PISD: variants seen among roughly 807,000 people sequenced by gnomAD.
PISD encodes phosphatidylserine decarboxylase proenzyme, mitochondrial.
A neutral mutation model predicts 43.5 loss-of-function variants in PISD; 31 were observed. The observed-to-expected ratio is 0.71, with a 90% CI of 0.54 to 0.96. The LOEUF is 0.96. Among genes scored for constraint, PISD ranks in the 40% least tolerant of loss-of-function variants. The pLI is 0.00. For missense variants in PISD, 523 were observed against 548.4 expected, an observed-to-expected ratio of 0.95 and a Z score of 0.46; for synonymous variants, 259 against 228.7, an observed-to-expected ratio of 1.13 and a Z score of -1.20.
At chr22:31,637,851 T>C (rs2073559195) in intron 3 of PISD, among the ~76,000 whole-genome samples, 1 of 152,194 alleles carries the variant, frequency 6.6e-6, no homozygotes. Flanking sequence ...CTCCCTAATG[T>C]CACGTCCTAC....
Position 31,621,116 on chromosome 22 carries a change from G to A in PISD, c.724C>T (p.Gln242Ter). The change falls in exon 6 of 8, where the codon CAG becomes TAG. Residue 242 changes from glutamine (Q) to a stop codon, truncating the protein, a stop_gained. Coordinates refer to ENST00000439502, the MANE Select transcript of PISD (RefSeq NM_001326411.2). LOFTEE classifies it high-confidence loss of function. ...PAASCDSFKN[Q>*]LVTREGNELY... The stretch of plus-strand genomic sequence containing the variant: ...TCATTCCCTTCCCGGGTGACCAGCT[G>A]GTTCTTGAAGGAGTCACACGACGCG... 2 of 1,614,198 alleles carry A rather than the reference G, an allele frequency of 1.2e-6. No homozygotes were observed. Among genetic ancestry groups the A allele is most frequent in the Non-Finnish European group, 1.7e-6 (2 of 1,180,044 alleles).
intron 3 of PISD, among the ~76,000 whole-genome samples, chr22:31,635,468 A>C (rs1413477826): frequency 6.6e-6 from 1 of 151,984 alleles, no homozygotes; most frequent in Non-Finnish European, 1.5e-5. Context: ...ACACTGGGCT[A>C]ATTTTTGTAT....
Position 31,621,703 on chromosome 22 carries a change from G to C in PISD, c.504C>G (p.Phe168Leu). The change falls in exon 4 of 8, where the codon TTC (phenylalanine) becomes TTG (leucine). Residue 168 changes from phenylalanine to leucine, a missense_variant. Phe to Leu is a conservative substitution (Grantham distance 22). Transcript: ENST00000439502. ...DLHHYRNLSE[F>L]FRRKLKPQAR... The stretch of plus-strand genomic sequence containing the variant: ...CCTGCGGCTTCAGCTTGCGCCGGAA[G>C]AACTCGCTGAGGTTGCGGTAGTGAT... 5 of 1,614,062 alleles carry C rather than the reference G, an allele frequency of 3.1e-6. No homozygotes were observed. The highest frequency in any genetic ancestry group is 4.2e-6 in the Non-Finnish European group (5 of 1,180,026).
Position 31,646,872 on chromosome 22 carries a change from CT to C in PISD, c.321+1228del, listed in dbSNP as rs377752290. Among the ~76,000 whole-genome samples the C allele has an allele frequency of 1.9e-4, 29 of 149,688 alleles. 2 individuals carry two copies. In the East Asian group the frequency reaches 5.1e-3, roughly 26 times the overall value. On this transcript the variant is annotated intron_variant, in intron 3 of 7. Coordinates refer to ENST00000439502, the MANE Select transcript of PISD (RefSeq NM_001326411.2). ...GAATTTGTGATATAGTACCGGAAAA[CT>C]TTTTTTTTTGTTTAAGGTAGGTTAT...
chr22:31,631,177 C>G (rs2073191405), intron 3 of PISD, among the ~76,000 whole-genome samples: 1 of 152,204 alleles, frequency 6.6e-6, no homozygotes. Context: ...AGCCGCCTGT[C>G]TGCAGCCCGT....
At chr22:31,621,507 G>A in intron 4 of PISD, 35 bp from the exon 5 acceptor site, 1 of 1,612,864 alleles carries the variant, frequency 6.2e-7, no homozygotes, top group Non-Finnish European at 8.5e-7. Flanking sequence ...GCCAGGGAGA[G>A]CAGGGTCTCC....
intron 3 of PISD, among the ~76,000 whole-genome samples, chr22:31,632,614 C>CTAA (rs2073254238): frequency 6.6e-6 from 1 of 152,108 alleles, no homozygotes. Context: ...TCTAAATGGT[C>CTAA]CCAGTCTGAG....
At chr22:31,659,839 C>A (rs887994851) in intron 1 of PISD, among the ~76,000 whole-genome samples, 19 of 152,068 alleles carry the variant, frequency 1.2e-4, no homozygotes, top group African/African-American at 4.6e-4. Flanking sequence ...ACCTTGGCCT[C>A]CCAAAGTGCT....
rs138094567 is a variant in PISD at position 31,626,800 on chromosome 22, A to G, written c.322-4915T>C. On this transcript the variant is annotated intron_variant, in intron 3 of 7. Transcript: ENST00000439502. Reference sequence around the variant, plus strand: ...AGAGCAAACATGCTGAAGCTGTGCTATCTCAGCCCAGGCAATCAAGGCCCT... The same window carrying G: ...AGAGCAAACATGCTGAAGCTGTGCTGTCTCAGCCCAGGCAATCAAGGCCCT... Among the ~76,000 whole-genome samples the G allele has an allele frequency of 1.1e-3, 172 of 152,298 alleles. 2 individuals are homozygous for G. Among genetic ancestry groups the G allele is most frequent in the Middle Eastern group, 3.4e-3 (1 of 294 alleles).
intron 3 of PISD, among the ~76,000 whole-genome samples, chr22:31,635,569 T>A (rs902162837): frequency 2.0e-5 from 3 of 152,182 alleles, no homozygotes; most frequent in African/African-American, 7.2e-5. Context: ...AGTGCTGGGA[T>A]TACGGGCGTC....
chr22:31,640,581 T>G (rs1320349134), intron 3 of PISD, among the ~76,000 whole-genome samples: 3 of 134,256 alleles, frequency 2.2e-5, no homozygotes, highest in Non-Finnish European at 4.8e-5. Context: ...GGTTGTTTTT[T>G]TTTTTTTTTT....
intron 3 of PISD, among the ~76,000 whole-genome samples, chr22:31,624,914 A>G (rs757093967): frequency 2.6e-4 from 40 of 152,116 alleles, no homozygotes; most frequent in Non-Finnish European, 5.3e-4. Flanking sequence ...TCCTGCGCCT[A>G]AACAAGGCCC....
rs940293066 is a variant in PISD at position 31,662,138 on chromosome 22, C to T, written c.65+6G>A. 8.1e-6 allele frequency: 13 copies of T among 1,607,402 alleles called. No individual in the cohort carries two copies. The African/African-American group carries it at 9.3e-5, about 12-fold the overall frequency. On this transcript the variant is annotated splice_donor_region_variant and intron_variant, in intron 1 of 7. Coordinates refer to ENST00000439502, the MANE Select transcript of PISD (RefSeq NM_001326411.2). ...GCCCCAAGGTAGTCTCTCCGCGCTG[C>T]TATACCTGCTCCGCCACGGCGCGAC... is the stretch of plus-strand genomic sequence containing the variant.
At chr22:31,628,201 C>T (rs2073012959) in intron 3 of PISD, 1 of 985,282 alleles carries the variant, frequency 1.0e-6, no homozygotes, top group African/African-American at 1.7e-5. Flanking sequence ...ACCGTCTGTC[C>T]CTCTCAGAGC....
chr22:31,628,572 C>T (rs1269315286), intron 3 of PISD, among the ~76,000 whole-genome samples: 2 of 152,226 alleles, frequency 1.3e-5, no homozygotes, highest in African/African-American at 2.4e-5. Flanking sequence ...TCACCTGCAA[C>T]ATGAGAACTC....
At chr22:31,625,884 T>A in intron 3 of PISD, 6 of 1,547,726 alleles carry the variant, frequency 3.9e-6, no homozygotes, top group Non-Finnish European at 5.2e-6. Flanking sequence ...TTCCTCCCCT[T>A]CCCCCGAGCC....
rs2072585262 is a variant in PISD at position 31,621,639 on chromosome 22, C to T, written c.558+10G>A. 2 of 1,610,098 alleles carry T rather than the reference C, an allele frequency of 1.2e-6. No individual in the cohort carries two copies. The highest frequency in any genetic ancestry group is 1.3e-5 in the African/African-American group (1 of 74,888). Reference sequence around the variant, plus strand: ...CCTGTTTCCTGCAGGAGGAAAGGGTCAGGCCTCACCACGCTGTGCAGGCCA... The same window carrying T: ...CCTGTTTCCTGCAGGAGGAAAGGGTTAGGCCTCACCACGCTGTGCAGGCCA... On this transcript the variant is annotated intron_variant, in intron 4 of 7. Coordinates refer to ENST00000439502, the MANE Select transcript of PISD (RefSeq NM_001326411.2).
In PISD at chr22:31,650,400, G is replaced by A. The variant is rs112584421; in HGVS notation, c.145+299C>T. Among the ~76,000 whole-genome samples, 376 of 152,004 alleles carry A rather than the reference G, an allele frequency of 2.5e-3. 2 individuals carry two copies. The highest frequency in any genetic ancestry group is 7.7e-3 in the African/African-American group (319 of 41,442). On this transcript the variant is annotated intron_variant, in intron 2 of 7. Transcript: ENST00000439502. ...AATTAACAATAAAAATTAGCCAGGC[G>A]TGGTGGTGCACATCTGTGTCCCAGC...
At position 31,619,567 on chromosome 22, in the gene PISD, CTG is replaced by C. The variant is rs988873522; in HGVS notation, c.*43_*44del. The stretch of plus-strand genomic sequence containing the variant: ...CCTCCCTCTTGAAAAGACCCTCACT[CTG>C]TTTGGAAAAGATCCCTTAGCAGCCA... On this transcript the variant is annotated 3_prime_UTR_variant, in exon 8 of 8. Coordinates refer to ENST00000439502, the MANE Select transcript of PISD (RefSeq NM_001326411.2). The C allele has an allele frequency of 6.5e-7, 1 of 1,528,034 alleles. No homozygotes were observed. The highest frequency in any genetic ancestry group is 9.1e-7 in the Non-Finnish European group (1 of 1,103,910). 94.7% of individuals were successfully genotyped at this position (1,528,034 alleles called of 1,614,324 possible).
Sources: gnomAD v4.1 joint callset for allele counts (sites outside exome capture counted in the v4.1 genomes callset) on GRCh38, gnomAD v4.1.1 for gene constraint, MANE v1.5 for transcripts, NCBI Gene and HGNC (gene_info 2026-07-23, HGNC 2026-07-21) for gene names.